CDIN1: variants seen among roughly 807,000 people sequenced by gnomAD.
CDIN1 encodes the protein CDAN1-interacting nuclease 1.
In CDIN1, 33 loss-of-function variants were observed where a neutral mutation model predicts 45.3. The observed-to-expected ratio is 0.73, with a 90% CI of 0.55 to 0.97. The LOEUF is 0.97. CDIN1 is among the 50% of genes least tolerant of loss of function. The pLI is 0.00. For missense variants in CDIN1, 303 were observed against 339.4 expected, an observed-to-expected ratio of 0.89 and a Z score of 0.84; for synonymous variants, 118 against 124.4, an observed-to-expected ratio of 0.95 and a Z score of 0.34.
chr15:36,618,761 C>CAA (rs34933565), intron 1 of CDIN1: 14,444 of 607,272 alleles, frequency 0.024, 36 homozygotes, highest in South Asian at 0.049. Context: ...ACAACTCAGC[C>CAA]AAAAAAAAAA....
intron 5 of CDIN1, among the ~76,000 whole-genome samples, chr15:36,672,007 T>G (rs566504592): frequency 1.3e-5 from 2 of 152,250 alleles, no homozygotes; most frequent in East Asian, 3.9e-4. Context: ...TTGTTTGACC[T>G]TGGCAATGTT....
At chr15:36,734,758 C>T (rs2043955567) in intron 10 of CDIN1, among the ~76,000 whole-genome samples, 1 of 152,178 alleles carries the variant, frequency 6.6e-6, no homozygotes, top group South Asian at 2.1e-4. Context: ...TAAGTAATTA[C>T]TCTTTCATTG....
intron 10 of CDIN1, among the ~76,000 whole-genome samples, chr15:36,755,031 T>G (rs192486095): frequency 6.4e-4 from 98 of 152,336 alleles, no homozygotes; most frequent in Non-Finnish European, 2.9e-4. Flanking sequence ...CTTCACGTTT[T>G]TCTTTCTTTA....
chr15:36,623,688 AACTCG>A (rs2039301525), intron 1 of CDIN1, among the ~76,000 whole-genome samples: 1 of 152,238 alleles, frequency 6.6e-6, no homozygotes, highest in Non-Finnish European at 1.5e-5. Context: ...AAGGCCTCTG[AACTCG>A]ACTTTCTGGT....
chr15:36,601,505 C>T lies in CDIN1; in HGVS notation c.101+21544C>T, dbSNP rs115058069. 4.7e-3 allele frequency among the ~76,000 whole-genome samples: 721 copies of T among 152,256 alleles called. 7 individuals are homozygous for T. Among genetic ancestry groups the T allele is most frequent in the African/African-American group, 0.017 (709 of 41,558 alleles). The stretch of plus-strand genomic sequence containing the variant: ...TGATCTGTCACCTATTATTAAACCT[C>T]ATGAACTTGTTTTTTCAGGGGATTC... On this transcript the variant is annotated intron_variant, in intron 1 of 10. Transcript: ENST00000566621.
chr15:36,674,192 C>T (rs531195675), intron 5 of CDIN1, among the ~76,000 whole-genome samples: 12 of 152,194 alleles, frequency 7.9e-5, no homozygotes, highest in South Asian at 4.1e-4. Flanking sequence ...GCAGTGTTTG[C>T]GCAGGACGGC....
intron 10 of CDIN1, among the ~76,000 whole-genome samples, chr15:36,780,073 A>G (rs1262956494): frequency 8.0e-6 from 1 of 125,636 alleles, no homozygotes; most frequent in Non-Finnish European, 1.5e-5. Context: ...GTGAGTCTCA[A>G]TTTCCTGTGC....
At chr15:36,789,357 G>T (rs1343700559) in intron 10 of CDIN1, among the ~76,000 whole-genome samples, 2 of 152,148 alleles carry the variant, frequency 1.3e-5, no homozygotes, top group South Asian at 2.1e-4. Context: ...AACAAATATA[G>T]AAACATTTTA....
intron 1 of CDIN1, 66 bp from the exon 2 acceptor site, chr15:36,644,212 C>T: frequency 6.6e-7 from 1 of 1,504,178 alleles, no homozygotes; most frequent in Non-Finnish European, 9.2e-7. Context: ...TTTGAAGCTC[C>T]TTTCTCTTTT....
intron 8 of CDIN1, chr15:36,706,859 C>G (rs1468850076): frequency 1.3e-5 from 2 of 152,136 alleles, no homozygotes; most frequent in African/African-American, 4.8e-5. Context: ...AAATTATTGT[C>G]AGTCTGGATA....
intron 5 of CDIN1, among the ~76,000 whole-genome samples, chr15:36,683,041 G>T (rs937788790): frequency 3.9e-5 from 6 of 152,156 alleles, no homozygotes; most frequent in African/African-American, 1.4e-4. Flanking sequence ...TTCCTGATTG[G>T]AGTGAATGTA....
At chr15:36,716,340 G>C (rs1432024598) in intron 10 of CDIN1, among the ~76,000 whole-genome samples, 1 of 152,130 alleles carries the variant, frequency 6.6e-6, no homozygotes, top group African/African-American at 2.4e-5. Context: ...AAAGGATTGA[G>C]TGGCCGTTCT....
chr15:36,588,374 GTTGA>G (rs1407097330), intron 1 of CDIN1, among the ~76,000 whole-genome samples: 1 of 152,128 alleles, frequency 6.6e-6, no homozygotes, highest in Non-Finnish European at 1.5e-5. Flanking sequence ...TGAAATGAAA[GTTGA>G]TTCTCAGTTT....
chr15:36,618,197 CA>C (rs199931822), intron 1 of CDIN1: 72 of 657,428 alleles, frequency 1.1e-4, no homozygotes, highest in Middle Eastern at 8.0e-4. Context: ...TCGACCATTC[CA>C]AAAAAAAACC....
At chr15:36,713,059 TA>T (rs1259853412) in intron 10 of CDIN1, among the ~76,000 whole-genome samples, 1 of 152,192 alleles carries the variant, frequency 6.6e-6, no homozygotes, top group Non-Finnish European at 1.5e-5. Flanking sequence ...TGATGACTTA[TA>T]AAGAAAGAAA....
intron 10 of CDIN1, among the ~76,000 whole-genome samples, chr15:36,718,613 A>G (rs1447629998): frequency 6.6e-6 from 1 of 152,046 alleles, no homozygotes; most frequent in African/African-American, 2.4e-5. Flanking sequence ...AGTTCTTAAT[A>G]ATATTAGTAA....
chr15:36,675,622 T>C (rs1453306271), intron 5 of CDIN1, among the ~76,000 whole-genome samples: 2 of 152,196 alleles, frequency 1.3e-5, no homozygotes, highest in Non-Finnish European at 2.9e-5. Flanking sequence ...TGAAGAAATG[T>C]ATCTTTTAAC....
intron 10 of CDIN1, among the ~76,000 whole-genome samples, chr15:36,762,508 T>C (rs2053795857): frequency 6.6e-6 from 1 of 152,198 alleles, no homozygotes; most frequent in African/African-American, 2.4e-5. Context: ...GTTTGTTTTA[T>C]TATACTTTAA....
chr15:36,640,018 T>A (rs1450831566), intron 1 of CDIN1, among the ~76,000 whole-genome samples: 1 of 152,184 alleles, frequency 6.6e-6, no homozygotes, highest in Non-Finnish European at 1.5e-5. Flanking sequence ...TTTTTCTTTA[T>A]GTCTTGAATT....
Sources: allele counts gnomAD v4.1 joint callset (sites outside exome capture counted in the v4.1 genomes callset), GRCh38; gene constraint gnomAD v4.1.1; transcripts MANE v1.5; gene names NCBI Gene and HGNC (gene_info 2026-07-23, HGNC 2026-07-21).